MROH1: variants seen among roughly 807,000 people sequenced by gnomAD.
MROH1 encodes maestro heat like repeat family member 1.
Under a neutral mutation model 116.5 loss-of-function variants are expected in MROH1, and 117 were observed. The ratio of observed to expected loss-of-function variants is 1.00; its 90% CI spans 0.86 to 1.17. The LOEUF (loss-of-function observed/expected upper bound fraction) is 1.17. MROH1 is among the 50% of genes most tolerant of loss of function. The pLI is 0.00. For missense variants in MROH1, 1,873 were observed against 1,338.5 expected (o/e 1.40, Z -6.23); for synonymous variants, 921 against 583.9 (o/e 1.58, Z -8.32).
chr8:144,223,873 T>C (rs1837299928), intron 14 of MROH1, among the ~76,000 whole-genome samples: 2 of 152,202 alleles, frequency 1.3e-5, no homozygotes, highest in South Asian at 4.1e-4. Context: ...CTCCTTGTGT[T>C]CTCGTGACCA....
chr8:144,199,669 C>T (rs1398073168), intron 11 of MROH1, among the ~76,000 whole-genome samples: 1 of 152,184 alleles, frequency 6.6e-6, no homozygotes, highest in Non-Finnish European at 1.5e-5. Flanking sequence ...CCCTCATAGC[C>T]ATCCTGGAGG....
At chr8:144,210,490 G>A (rs1181544550) in intron 12 of MROH1, among the ~76,000 whole-genome samples, 1 of 152,068 alleles carries the variant, frequency 6.6e-6, no homozygotes, top group Non-Finnish European at 1.5e-5. Context: ...CCAGGAGTTC[G>A]AAACCAGCCT....
At chr8:144,255,968 TGGTG>T (rs1554832812) in intron 35 of MROH1, among the ~76,000 whole-genome samples, 1 of 152,218 alleles carries the variant, frequency 6.6e-6, no homozygotes, top group Non-Finnish European at 1.5e-5. Context: ...CACAGGCAGC[TGGTG>T]GGGGCTTCGT....
intron 3 of MROH1, 135 bp from the exon 4 acceptor site, chr8:144,168,160 G>C: frequency 9.6e-7 from 1 of 1,045,480 alleles, no homozygotes. Context: ...AAGAGAGAAA[G>C]CAGCTGTGCC....
At chr8:144,258,523 C>G (rs1479021404) in intron 35 of MROH1, among the ~76,000 whole-genome samples, 5 of 152,202 alleles carry the variant, frequency 3.3e-5, no homozygotes, top group Non-Finnish European at 7.4e-5. Flanking sequence ...AGCTCTCAGG[C>G]TGGTGGCCAG....
chr8:144,210,107 A>C (rs950353965), intron 12 of MROH1, among the ~76,000 whole-genome samples: 3 of 151,478 alleles, frequency 2.0e-5, no homozygotes, highest in Admixed American at 1.3e-4. Context: ...TGATTTTTAT[A>C]GTAATCACTC....
intron 43 of MROH1, 57 bp downstream of exon 43, chr8:144,261,406 G>C: frequency 1.4e-6 from 1 of 700,388 alleles, no homozygotes; most frequent in East Asian, 2.7e-5. Context: ...GTAGGCACCC[G>C]CAGGGACTAA....
intron 5 of MROH1, among the ~76,000 whole-genome samples, chr8:144,179,878 A>G (rs1040214041): frequency 6.6e-6 from 1 of 152,032 alleles, no homozygotes; most frequent in African/African-American, 2.4e-5. Flanking sequence ...GGGTTGGTGC[A>G]GGGCTCTGGT....
chr8:144,165,505 A>G (rs955683799), intron 3 of MROH1, among the ~76,000 whole-genome samples: 3 of 152,256 alleles, frequency 2.0e-5, no homozygotes, highest in Non-Finnish European at 4.4e-5. Flanking sequence ...CTTGCCTTCA[A>G]ATGATCCTCC....
intron 14 of MROH1, among the ~76,000 whole-genome samples, chr8:144,227,858 T>C (rs934003250): frequency 1.3e-5 from 2 of 151,448 alleles, no homozygotes; most frequent in Middle Eastern, 3.2e-3. Flanking sequence ...GAGGCTGAGG[T>C]GGGAGGATCA....
At chr8:144,239,496 C>T (rs993973138) in intron 17 of MROH1, 118 bp from the exon 18 acceptor site, 58 of 763,024 alleles carry the variant, frequency 7.6e-5, no homozygotes, top group Admixed American at 1.6e-4. Flanking sequence ...TCTACGTGGG[C>T]GGCCCAGCTT....
At chr8:144,246,056 C>G (rs1056986175) in intron 29 of MROH1, among the ~76,000 whole-genome samples, 1 of 131,378 alleles carries the variant, frequency 7.6e-6, no homozygotes, top group Non-Finnish European at 1.6e-5. Context: ...CCCCTCCCTC[C>G]CTCCCTTCCT....
intron 1 of MROH1, among the ~76,000 whole-genome samples, chr8:144,159,830 C>T (rs1819073804): frequency 2.2e-5 from 3 of 138,758 alleles, no homozygotes; most frequent in Non-Finnish European, 3.0e-5. Flanking sequence ...TGCAGTGGTG[C>T]GATCTTGGCT....
intron 12 of MROH1, 33 bp from the exon 13 acceptor site, chr8:144,220,567 G>A (rs1182011587): frequency 1.3e-6 from 2 of 1,551,628 alleles, no homozygotes; most frequent in Admixed American, 1.9e-5. Flanking sequence ...TCATCTCAGT[G>A]GTAGGCTGAG....
At chr8:144,209,074 T>TGTGTGTGTGTGTG (rs1833515725) in intron 12 of MROH1, among the ~76,000 whole-genome samples, 2 of 138,054 alleles carry the variant, frequency 1.4e-5, no homozygotes, top group African/African-American at 5.4e-5. Flanking sequence ...TGTGTGTGTG[T>TGTGTGTGTGTGTG]TTAGTGGAGA....
At position 144,259,305 on chromosome 8, in the gene MROH1, G is replaced by A; in HGVS notation, c.3995G>A (p.Ser1332Asn). The A allele has an allele frequency of 1.4e-6, 1 of 715,114 alleles. No homozygotes were observed. The highest frequency in any genetic ancestry group is 2.6e-6 in the Non-Finnish European group (1 of 384,886). 44.3% of individuals were successfully genotyped at this position (715,114 alleles called of 1,614,324 possible). ...LVLKTLACTH[S>N]SAYENQRVTT... ...CTGAAGACGCTGGCATGCACACACA[G>A]CAGTGCGTATGAGAACCAGAGGGTG... The change falls in exon 37 of 44, where the codon AGC (serine) becomes AAC (asparagine). Residue 1332 changes from serine (S) to asparagine (N), a missense_variant. Ser to Asn is a conservative substitution (Grantham distance 46). Transcript: ENST00000326134.
intron 4 of MROH1, among the ~76,000 whole-genome samples, chr8:144,172,790 C>T (rs1185286513): frequency 6.6e-6 from 1 of 152,146 alleles, no homozygotes; most frequent in Non-Finnish European, 1.5e-5. Flanking sequence ...AGATGTCCCA[C>T]ATTTCTAGGC....
intron 12 of MROH1, among the ~76,000 whole-genome samples, chr8:144,207,433 A>C (rs1833076740): frequency 1.2e-5 from 1 of 86,594 alleles, no homozygotes; most frequent in Non-Finnish European, 2.3e-5. Flanking sequence ...TGATCTACCC[A>C]CCTTGGCCTC....
At chr8:144,157,620 T>G (rs1818464432) in intron 1 of MROH1, among the ~76,000 whole-genome samples, 1 of 152,050 alleles carries the variant, frequency 6.6e-6, no homozygotes, top group Non-Finnish European at 1.5e-5. Context: ...TGAGGTTTGA[T>G]AGCTTGTAGC....
Sources: allele counts gnomAD v4.1 joint callset (sites outside exome capture counted in the v4.1 genomes callset), GRCh38; gene constraint gnomAD v4.1.1; transcripts MANE v1.5; gene names NCBI Gene and HGNC (gene_info 2026-07-23, HGNC 2026-07-21).